The following TLN2 variants were observed in gnomAD, a reference collection of about 807,000 sequenced individuals.
TLN2 encodes the protein talin-2.
Under a neutral mutation model 294.7 loss-of-function variants are expected in TLN2, and 118 were observed. That is an observed-to-expected ratio of 0.40 (90% CI 0.34 to 0.47). The LOEUF (loss-of-function observed/expected upper bound fraction) is 0.47, where lower values mean the gene tolerates loss of function less well. TLN2 is among the 20% of genes least tolerant of loss of function. The pLI, the probability that TLN2 is intolerant of heterozygous loss-of-function variation, is 0.84. For missense variants in TLN2, 3,083 were observed against 3,282.2 expected (o/e 0.94, Z 1.48); for synonymous variants, 1,431 against 1,304.5 (o/e 1.10, Z -2.09).
intron 4 of TLN2, 114 bp downstream of exon 4, chr15:62,647,560 A>C: frequency 7.1e-7 from 1 of 1,405,846 alleles, no homozygotes; most frequent in Non-Finnish European, 9.8e-7. Context: ...CATATGTTTC[A>C]AATGAAATAC....
At chr15:62,831,664 A>G (rs982644258) in intron 54 of TLN2, 3 of 152,190 alleles carry the variant, frequency 2.0e-5, no homozygotes, top group African/African-American at 7.2e-5. Context: ...ATACTCTTAG[A>G]GCAAGACTTG....
intron 1 of TLN2, among the ~76,000 whole-genome samples, chr15:62,573,190 A>G (rs2044054977): frequency 6.6e-6 from 1 of 151,926 alleles, no homozygotes; most frequent in South Asian, 2.1e-4. Context: ...CACCTTGATC[A>G]CACCCCTCAC....
intron 3 of TLN2, among the ~76,000 whole-genome samples, chr15:62,629,020 G>A (rs2049537663): frequency 6.6e-6 from 1 of 152,058 alleles, no homozygotes; most frequent in African/African-American, 2.4e-5. Context: ...AATGTAGTGA[G>A]ATCCTGTCTC....
intron 40 of TLN2, among the ~76,000 whole-genome samples, chr15:62,764,637 T>A (rs1369394246): frequency 1.3e-5 from 2 of 152,068 alleles, no homozygotes; most frequent in Non-Finnish European, 2.9e-5. Context: ...TGAACAGGCC[T>A]TTCAACCGGC....
chr15:62,492,559 A>T (rs1029250392), intron 1 of TLN2, among the ~76,000 whole-genome samples: 3 of 150,320 alleles, frequency 2.0e-5, no homozygotes, highest in African/African-American at 2.5e-5. Context: ...AAAAAAAAAA[A>T]AGAAAAAAAG....
intron 19 of TLN2, among the ~76,000 whole-genome samples, chr15:62,704,641 A>T (rs2058943341): frequency 6.6e-6 from 1 of 152,180 alleles, no homozygotes; most frequent in Admixed American, 6.5e-5. Flanking sequence ...GTCATGATAG[A>T]GGTTGAATTC....
intron 1 of TLN2, among the ~76,000 whole-genome samples, chr15:62,468,038 A>G (rs1319226922): frequency 6.6e-6 from 1 of 152,220 alleles, no homozygotes; most frequent in Non-Finnish European, 1.5e-5. Flanking sequence ...CTAGCTTTTA[A>G]TAATCCAGAC....
intron 11 of TLN2, among the ~76,000 whole-genome samples, chr15:62,685,942 T>C (rs1477046245): frequency 1.3e-5 from 2 of 152,204 alleles, no homozygotes; most frequent in Non-Finnish European, 2.9e-5. Context: ...TCTTAGGAAA[T>C]CATTTGTCAC....
Position 62,739,641 on chromosome 15 carries a change from C to T in TLN2, c.3885+96C>T. 6 of 1,438,882 alleles carry T rather than the reference C, an allele frequency of 4.2e-6. No individual in the cohort carries two copies. In the South Asian group the frequency reaches 7.9e-5, roughly 19 times the overall value. 89.1% of individuals were successfully genotyped at this position (1,438,882 alleles called of 1,614,324 possible). On this transcript the variant is annotated intron_variant, in intron 31 of 58. Coordinates refer to ENST00000636159, the MANE Select transcript of TLN2 (RefSeq NM_015059.3). ...CTGACTGAACAAATAGGAAAAGGAACCTGGAAACAGGCAGGCCATGGTTGC... is the reference window on the plus strand; with the variant it reads ...CTGACTGAACAAATAGGAAAAGGAATCTGGAAACAGGCAGGCCATGGTTGC...
chr15:62,727,471 G>A (rs965555534), intron 28 of TLN2, among the ~76,000 whole-genome samples: 10 of 152,236 alleles, frequency 6.6e-5, no homozygotes, highest in Admixed American at 1.3e-4. Flanking sequence ...CTGGAATCCC[G>A]CTAAAGTAAA....
chr15:62,554,473 A>T (rs1398199835), intron 1 of TLN2, among the ~76,000 whole-genome samples: 2 of 151,744 alleles, frequency 1.3e-5, no homozygotes, highest in African/African-American at 4.9e-5. Context: ...TGGGAAAGAG[A>T]TACTAAAATG....
chr15:62,604,761 G>A (rs1294291462), intron 2 of TLN2, among the ~76,000 whole-genome samples: 11 of 150,616 alleles, frequency 7.3e-5, no homozygotes, highest in Admixed American at 4.6e-4. Flanking sequence ...CATATTATGC[G>A]ATAAGGGATT....
At chr15:62,683,681 C>A (rs991278809) in intron 11 of TLN2, among the ~76,000 whole-genome samples, 5 of 152,128 alleles carry the variant, frequency 3.3e-5, no homozygotes, top group African/African-American at 1.2e-4. Context: ...TTCTAGATGG[C>A]CGTCAAAAAT....
intron 23 of TLN2, among the ~76,000 whole-genome samples, 167 bp from the exon 24 acceptor site, chr15:62,717,409 T>C (rs1214106734): frequency 2.0e-5 from 3 of 152,176 alleles, no homozygotes; most frequent in Non-Finnish European, 2.9e-5. Context: ...ACAAGGAAGA[T>C]AGCGTGTTGT....
chr15:62,402,068 T>G (rs556826252), intron 1 of TLN2, among the ~76,000 whole-genome samples: 30 of 152,136 alleles, frequency 2.0e-4, no homozygotes, highest in Non-Finnish European at 3.7e-4. Flanking sequence ...CTTTGAAGTG[T>G]TTTTTAACCC....
At chr15:62,810,256 C>T (rs2066590016) in intron 52 of TLN2, among the ~76,000 whole-genome samples, 1 of 152,112 alleles carries the variant, frequency 6.6e-6, no homozygotes, top group Non-Finnish European at 1.5e-5. Flanking sequence ...CAGGAAAGCC[C>T]AGTTCTCTCA....
intron 1 of TLN2, among the ~76,000 whole-genome samples, chr15:62,456,371 G>A (rs998706297): frequency 3.9e-5 from 6 of 152,196 alleles, no homozygotes; most frequent in Non-Finnish European, 8.8e-5. Context: ...TCAGCCGCAC[G>A]GAAGGTGGAG....
intron 29 of TLN2, among the ~76,000 whole-genome samples, chr15:62,737,649 G>A (rs2061098690): frequency 6.6e-6 from 1 of 152,136 alleles, no homozygotes; most frequent in African/African-American, 2.4e-5. Context: ...ATGCAAACAG[G>A]GAGCCACCAA....
chr15:62,706,318 A>G (rs931682753), intron 19 of TLN2, among the ~76,000 whole-genome samples: 1 of 152,262 alleles, frequency 6.6e-6, no homozygotes, highest in Non-Finnish European at 1.5e-5. Flanking sequence ...GGCTCAATCA[A>G]AGGATTCTTC....
Sources: gnomAD v4.1 joint callset for allele counts (sites outside exome capture counted in the v4.1 genomes callset) on GRCh38, gnomAD v4.1.1 for gene constraint, MANE v1.5 for transcripts, NCBI Gene and HGNC (gene_info 2026-07-23, HGNC 2026-07-21) for gene names.